The following PRKCA variants were observed in gnomAD, a reference collection of about 807,000 sequenced individuals.
PRKCA encodes protein kinase C alpha type.
A neutral mutation model predicts 87.0 loss-of-function variants in PRKCA; 27 were observed. The observed-to-expected ratio is 0.31, with a 90% CI of 0.23 to 0.43. PRKCA has a LOEUF of 0.43. PRKCA is among the 20% of genes least tolerant of loss of function. PRKCA has a pLI of 1.00. For synonymous variants in PRKCA, 329 were observed against 311.1 expected (o/e 1.06, Z -0.61); for missense variants, 518 against 852.3 (o/e 0.61, Z 4.88).
intron 7 of PRKCA, among the ~76,000 whole-genome samples, 192 bp from the exon 8 acceptor site, chr17:66,688,759 C>T (rs886927992): frequency 3.9e-5 from 6 of 152,048 alleles, no homozygotes; most frequent in African/African-American, 1.2e-4. Context: ...GCTTTGATTC[C>T]GCCACCGTCC....
In PRKCA at chr17:66,805,018, T is replaced by A; in HGVS notation, c.*981T>A. On this transcript the variant is annotated 3_prime_UTR_variant, in exon 17 of 17. Transcript: ENST00000413366. The stretch of plus-strand genomic sequence containing the variant: ...TGCTTATTTATTTAATAGGCTGCAG[T>A]GTCGCTTATGAAAGTACGATGTACA... 1 of 984,968 alleles carries A rather than the reference T, an allele frequency of 1.0e-6. No individual in the cohort carries two copies. Among genetic ancestry groups the A allele is most frequent in the Non-Finnish European group, 1.2e-6 (1 of 829,330 alleles). 61.0% of individuals were successfully genotyped at this position (984,968 alleles called of 1,614,324 possible).
chr17:66,781,799 T>G (rs746698061), intron 14 of PRKCA, among the ~76,000 whole-genome samples: 7 of 151,036 alleles, frequency 4.6e-5, no homozygotes, highest in Non-Finnish European at 7.4e-5. Flanking sequence ...ATGAACGTAC[T>G]TAATGCCACA....
chr17:66,340,118 C>T (rs1019286085), intron 2 of PRKCA: 2 of 152,138 alleles, frequency 1.3e-5, no homozygotes, highest in Non-Finnish European at 2.9e-5. Context: ...GTCTTCATCT[C>T]ATTTATGTAT....
intron 3 of PRKCA, among the ~76,000 whole-genome samples, chr17:66,611,832 A>G (rs1970372888): frequency 6.6e-6 from 1 of 152,188 alleles, no homozygotes; most frequent in Admixed American, 6.5e-5. Flanking sequence ...CAACATTCAT[A>G]GTTACAGATC....
rs1976089310 is a variant in PRKCA at position 66,808,418 on chromosome 17, C to A, written c.*4381C>A. On this transcript the variant is annotated 3_prime_UTR_variant, in exon 17 of 17. Coordinates refer to ENST00000413366, the MANE Select transcript of PRKCA (RefSeq NM_002737.3). ...AAAAGCCTCGGAAAGGTGATACCATCTGACAGTCATTTTCTCACGTTGGTC... is the reference window on the plus strand; with the variant it reads ...AAAAGCCTCGGAAAGGTGATACCATATGACAGTCATTTTCTCACGTTGGTC... 6.7e-6 allele frequency: 1 copy of A among 148,838 alleles called. No individual in the cohort carries two copies. The highest frequency in any genetic ancestry group is 1.5e-5 in the Non-Finnish European group (1 of 67,654). The allele number at this position is 148,838 out of a possible 1,614,324, so 9.2% of individuals were successfully genotyped here.
chr17:66,371,963 G>GAA (rs1909138293), intron 2 of PRKCA, among the ~76,000 whole-genome samples: 1 of 152,204 alleles, frequency 6.6e-6, no homozygotes, highest in Admixed American at 6.5e-5. Context: ...AACAAATGTA[G>GAA]AAAAGTGAGA....
intron 3 of PRKCA, among the ~76,000 whole-genome samples, chr17:66,543,132 T>G (rs1382485504): frequency 6.6e-6 from 1 of 152,248 alleles, no homozygotes; most frequent in Non-Finnish European, 1.5e-5. Context: ...CTTTGTGTTA[T>G]AAATTTTGCC....
chr17:66,755,973 G>C (rs998224147), intron 13 of PRKCA, among the ~76,000 whole-genome samples: 1 of 152,154 alleles, frequency 6.6e-6, no homozygotes, highest in African/African-American at 2.4e-5. Flanking sequence ...TACCAGAACA[G>C]AAACCTCCCT....
intron 3 of PRKCA, among the ~76,000 whole-genome samples, chr17:66,612,503 A>G (rs1163254246): frequency 1.3e-5 from 2 of 152,032 alleles, no homozygotes; most frequent in Non-Finnish European, 2.9e-5. Flanking sequence ...TCATTCTGGT[A>G]GTGGAAGAAA....
At chr17:66,620,468 T>TGA (rs1970644962) in intron 3 of PRKCA, among the ~76,000 whole-genome samples, 1 of 152,184 alleles carries the variant, frequency 6.6e-6, no homozygotes, top group Admixed American at 6.5e-5. Context: ...AGACTTGTGT[T>TGA]GAGATCTGAC....
chr17:66,773,920 C>T, intron 13 of PRKCA, 67 bp from the exon 14 acceptor site: 1 of 1,604,592 alleles, frequency 6.2e-7, no homozygotes, highest in Non-Finnish European at 8.5e-7. Context: ...ACCTGCTTGA[C>T]TTACCTGTTC....
At chr17:66,625,801 TG>T (rs1398777049) in intron 3 of PRKCA, among the ~76,000 whole-genome samples, 1 of 152,236 alleles carries the variant, frequency 6.6e-6, no homozygotes, top group Non-Finnish European at 1.5e-5. Context: ...GTTAGAGGCA[TG>T]GGTTGAGGTC....
chr17:66,490,826 C>G (rs2144091206), intron 2 of PRKCA, among the ~76,000 whole-genome samples: 1 of 152,338 alleles, frequency 6.6e-6, no homozygotes, highest in African/African-American at 2.4e-5. Flanking sequence ...AGTGATCTGC[C>G]CACCTCAGAC....
intron 2 of PRKCA, among the ~76,000 whole-genome samples, chr17:66,402,665 C>T (rs1911105698): frequency 6.6e-6 from 1 of 151,978 alleles, no homozygotes; most frequent in Admixed American, 6.6e-5. Flanking sequence ...TGGGTGACAC[C>T]AGCAATAAGA....
At chr17:66,791,621 G>T (rs758571591) in intron 16 of PRKCA, among the ~76,000 whole-genome samples, 12 of 152,182 alleles carry the variant, frequency 7.9e-5, no homozygotes, top group Non-Finnish European at 1.3e-4. Context: ...GCCGAGTGAG[G>T]CTCATCGCAG....
chr17:66,396,690 G>A (rs1234777900), intron 2 of PRKCA, among the ~76,000 whole-genome samples: 5 of 148,858 alleles, frequency 3.4e-5, no homozygotes, highest in African/African-American at 9.9e-5. Flanking sequence ...GTACAGTGGC[G>A]CGATCTCCGC....
chr17:66,734,677 G>A (rs61228677), intron 9 of PRKCA, among the ~76,000 whole-genome samples: 9,330 of 152,156 alleles, frequency 0.061, 638 homozygotes, highest in African/African-American at 0.16. Context: ...GACTAAGAAT[G>A]CCTGACCTCC....
intron 3 of PRKCA, among the ~76,000 whole-genome samples, chr17:66,504,029 G>A (rs1056127900): frequency 2.0e-5 from 3 of 152,130 alleles, no homozygotes; most frequent in African/African-American, 7.2e-5. Context: ...GTCCTGGAGT[G>A]GGAATTGGGA....
intron 2 of PRKCA, among the ~76,000 whole-genome samples, chr17:66,310,478 A>G (rs539742536): frequency 6.6e-6 from 1 of 152,286 alleles, no homozygotes; most frequent in South Asian, 2.1e-4. Context: ...AGAACATAAC[A>G]CATATTGTAC....
Sources: gnomAD v4.1 joint callset for allele counts (sites outside exome capture counted in the v4.1 genomes callset) on GRCh38, gnomAD v4.1.1 for gene constraint, MANE v1.5 for transcripts, NCBI Gene and HGNC (gene_info 2026-07-23, HGNC 2026-07-21) for gene names.